The following CTNNA1 variants were observed in gnomAD, a reference collection of about 807,000 sequenced individuals.
The protein encoded by CTNNA1 is catenin alpha 1, also known as catenin alpha-1.
A neutral mutation model predicts 98.4 loss-of-function variants in CTNNA1; 37 were observed. That is an observed-to-expected ratio of 0.38 (90% CI 0.29 to 0.49). CTNNA1 has a LOEUF of 0.49. Among genes scored for constraint, CTNNA1 ranks in the 20% least tolerant of loss-of-function variants. CTNNA1 has a pLI of 0.95. For synonymous variants in CTNNA1, 404 were observed against 413.2 expected, an observed-to-expected ratio of 0.98 and a Z score of 0.27; for missense variants, 761 against 1,147.2, an observed-to-expected ratio of 0.66 and a Z score of 4.86.
intron 1 of CTNNA1, among the ~76,000 whole-genome samples, chr5:138,758,384 T>G (rs1160874794): frequency 6.7e-6 from 1 of 148,240 alleles, no homozygotes; most frequent in Non-Finnish European, 1.5e-5. Flanking sequence ...TTTGTTTGTT[T>G]GTTGTTGTTG....
At position 138,824,799 on chromosome 5, in the gene CTNNA1, C is replaced by A; in HGVS notation, c.858C>A (p.Asp286Glu). Residue 286 changes from aspartate (D) to glutamate (E), a missense_variant and splice_region_variant, in exon 6 of 18, where the codon GAC becomes GAA. Asp to Glu is a conservative substitution (Grantham distance 45). Coordinates refer to ENST00000302763, the MANE Select transcript of CTNNA1 (RefSeq NM_001903.5). ...TGGCATATGCACTCAATAACTTTGA[C>A]GTAAGTTATGCTTGGGTGGAAATTT... ...GELAYALNNF[D>E]KQIIVDPLSF... 6.2e-7 allele frequency: 1 copy of A among 1,610,010 alleles called. No individual in the cohort carries two copies. The highest frequency in any genetic ancestry group is 8.5e-7 in the Non-Finnish European group (1 of 1,176,478).
At position 138,810,098 on chromosome 5, in the gene CTNNA1, G is replaced by A. The variant is rs749878552; in HGVS notation, c.362G>A (p.Arg121Gln). ...FADDPCSSVK[R>Q]GNMVRAARAL... is the part of the protein sequence containing the mutation. ...GATGATCCCTGCTCTTCTGTGAAGC[G>A]AGGCAACATGGTTCGGGCAGCTCGA... The change falls in exon 4 of 18, where the codon CGA becomes CAA. Residue 121 changes from arginine (R) to glutamine (Q), a missense_variant. Around this residue, in one of 6 missense-constraint regions of CTNNA1, gnomAD observed 328 missense variants for 354.3 expected, o/e 0.93. Coordinates refer to ENST00000302763, the MANE Select transcript of CTNNA1 (RefSeq NM_001903.5). The A allele has an allele frequency of 6.0e-5, 97 of 1,614,040 alleles. No individual in the cohort carries two copies. Among genetic ancestry groups the A allele is most frequent in the Non-Finnish European group, 8.1e-5 (96 of 1,180,014 alleles).
chr5:138,828,398 C>G (rs10065868), intron 7 of CTNNA1, among the ~76,000 whole-genome samples: 3,479 of 151,852 alleles, frequency 0.023, 133 homozygotes, highest in African/African-American at 0.081. Context: ...ATAGAAAATT[C>G]TATATTTGTT....
intron 9 of CTNNA1, among the ~76,000 whole-genome samples, chr5:138,889,651 T>C (rs558139943): frequency 2.8e-4 from 25 of 87,804 alleles, no homozygotes; most frequent in African/African-American, 1.1e-3. Context: ...CCCCCCAGAA[T>C]TGAGAGTTTG....
intron 2 of CTNNA1, 54 bp from the exon 3 acceptor site, chr5:138,783,123 A>G (rs1420298266): frequency 7.3e-7 from 1 of 1,365,290 alleles, no homozygotes; most frequent in Non-Finnish European, 1.0e-6. Flanking sequence ...CTTTAAAGAT[A>G]TTAGTTTGTC....
chr5:138,924,907 G>A (rs182289850), intron 12 of CTNNA1, among the ~76,000 whole-genome samples, 197 bp downstream of exon 12: 14 of 152,272 alleles, frequency 9.2e-5, no homozygotes, highest in Middle Eastern at 3.4e-3. Context: ...TGTATCTCAT[G>A]AGTAATCACG....
intron 7 of CTNNA1, among the ~76,000 whole-genome samples, chr5:138,843,117 A>G (rs1211780433): frequency 6.6e-6 from 1 of 152,218 alleles, no homozygotes; most frequent in Non-Finnish European, 1.5e-5. Flanking sequence ...GTTTAGGAGG[A>G]ATGGTTACAT....
intron 3 of CTNNA1, among the ~76,000 whole-genome samples, chr5:138,786,674 C>G (rs1378977487): frequency 6.6e-6 from 1 of 152,160 alleles, no homozygotes; most frequent in Non-Finnish European, 1.5e-5. Context: ...CTTGAGTGCA[C>G]TCAGGAGGTC....
At chr5:138,909,805 A>G (rs1350070318) in intron 10 of CTNNA1, among the ~76,000 whole-genome samples, 2 of 152,124 alleles carry the variant, frequency 1.3e-5, no homozygotes, top group East Asian at 3.9e-4. Context: ...ACACACATCA[A>G]ATAAGCATAA....
At chr5:138,853,399 C>T (rs774734556) in intron 7 of CTNNA1, among the ~76,000 whole-genome samples, 4 of 150,918 alleles carry the variant, frequency 2.7e-5, no homozygotes, top group Admixed American at 6.6e-5. Flanking sequence ...TTTTCTTTGC[C>T]GGAGCTCTTG....
chr5:138,864,238 C>CA (rs1379474273), intron 7 of CTNNA1, among the ~76,000 whole-genome samples: 1 of 152,168 alleles, frequency 6.6e-6, no homozygotes, highest in African/African-American at 2.4e-5. Flanking sequence ...AGGCATGAGC[C>CA]ACTGCACCTG....
At chr5:138,863,102 C>A (rs992861858) in intron 7 of CTNNA1, among the ~76,000 whole-genome samples, 1 of 151,696 alleles carries the variant, frequency 6.6e-6, no homozygotes, top group African/African-American at 2.4e-5. Flanking sequence ...TGGATCAGGG[C>A]TCCTAACTGC....
intron 5 of CTNNA1, among the ~76,000 whole-genome samples, chr5:138,814,431 T>G (rs1218052695): frequency 6.6e-6 from 1 of 152,202 alleles, no homozygotes; most frequent in Admixed American, 6.5e-5. Flanking sequence ...ATATAAATTA[T>G]AAGTATCTTT....
intron 6 of CTNNA1, 125 bp from the exon 7 acceptor site, chr5:138,827,390 A>G (rs979908626): frequency 3.7e-6 from 4 of 1,067,820 alleles, no homozygotes; most frequent in Non-Finnish European, 4.1e-6. Context: ...GCTAAGAAGT[A>G]TAACTTTCTT....
rs549212980 is a variant in CTNNA1, at chr5:138,782,181, G to A, written c.105+152G>A. On this transcript the variant is annotated intron_variant, in intron 2 of 17. Transcript: ENST00000302763. ...TTAGATGATTTGAATATTGATGCAT[G>A]GGTTTAGTTAACCCTTGAGAACGCT... 33 of 752,080 alleles carry A rather than the reference G, an allele frequency of 4.4e-5. No individual in the cohort carries two copies. The African/African-American group carries it at 5.5e-4, about 13-fold the overall frequency. 46.6% of individuals were successfully genotyped at this position (752,080 alleles called of 1,614,324 possible). A position where few individuals can be genotyped will look rare whatever the true frequency, so the allele number is the denominator to read the frequency against.
intron 1 of CTNNA1, among the ~76,000 whole-genome samples, chr5:138,779,743 G>C (rs1754839052): frequency 1.4e-5 from 2 of 146,266 alleles, no homozygotes; most frequent in Admixed American, 6.9e-5. Flanking sequence ...TGAGACAAGA[G>C]CTTGCTCTGT....
intron 9 of CTNNA1, among the ~76,000 whole-genome samples, chr5:138,893,439 C>T (rs1755959337): frequency 6.6e-6 from 1 of 151,972 alleles, no homozygotes; most frequent in African/African-American, 2.4e-5. Flanking sequence ...CTAGTATAAC[C>T]TTATATTCCA....
intron 13 of CTNNA1, among the ~76,000 whole-genome samples, chr5:138,926,404 C>T (rs376706734): frequency 4.6e-5 from 7 of 152,366 alleles, no homozygotes; most frequent in South Asian, 4.1e-4. Context: ...GCCACAGCCA[C>T]GCTGATGGAG....
At chr5:138,918,216 C>T (rs185646587) in intron 11 of CTNNA1, among the ~76,000 whole-genome samples, 172 of 152,048 alleles carry the variant, frequency 1.1e-3, no homozygotes, top group African/African-American at 4.0e-3. Flanking sequence ...TCAACTGGGA[C>T]CGGTAGAACA....
Sources: gnomAD v4.1 joint callset for allele counts (sites outside exome capture counted in the v4.1 genomes callset) on GRCh38, gnomAD v4.1.1 for gene constraint, gnomAD v4.1.1 regional missense constraint, MANE v1.5 for transcripts, NCBI Gene and HGNC (gene_info 2026-07-23, HGNC 2026-07-21) for gene names.